Variants in LTF observed in about 807,000 individuals in gnomAD.
The protein encoded by LTF is epididymis luminal protein 110.
Under a neutral mutation model 87.2 loss-of-function variants are expected in LTF, and 91 were observed. That is an observed-to-expected ratio of 1.04 (90% confidence interval 0.88 to 1.24). LTF has a LOEUF of 1.24. Ranked by LOEUF, LTF falls within the 50% of genes most tolerant of loss-of-function variation. The pLI is 0.00. For synonymous variants in LTF, 378 were observed against 356.1 expected, an observed-to-expected ratio of 1.06 and a Z score of -0.69; for missense variants, 901 against 904.3, an observed-to-expected ratio of 1.00 and a Z score of 0.05.
At position 46,436,330 on chromosome 3, in the gene LTF, C is replaced by A; in HGVS notation, c.2099-101G>T. On this transcript the variant is annotated intron_variant, in intron 16 of 16. Coordinates refer to ENST00000231751, the MANE Select transcript of LTF (RefSeq NM_002343.6). Reference sequence around the variant, plus strand: ...AAGAGAATACTAAGAGTTTTCTCTGCCCTTCTCCCATCACTGAGTCAGTGC... The same window carrying A: ...AAGAGAATACTAAGAGTTTTCTCTGACCTTCTCCCATCACTGAGTCAGTGC... 3.8e-6 allele frequency: 4 copies of A among 1,066,166 alleles called. No individual in the cohort carries two copies. In the South Asian group the frequency reaches 5.2e-5, roughly 14 times the overall value. 66.0% of individuals were successfully genotyped at this position (1,066,166 alleles called of 1,614,324 possible).
intron 14 of LTF, among the ~76,000 whole-genome samples, chr3:46,439,816 C>T (rs1702473725): frequency 6.6e-6 from 1 of 152,162 alleles, no homozygotes. Flanking sequence ...GTGGCTCATG[C>T]CTGTAATCCC....
intron 13 of LTF, among the ~76,000 whole-genome samples, chr3:46,442,084 A>C (rs56226331): frequency 6.6e-6 from 1 of 151,854 alleles, no homozygotes; most frequent in African/African-American, 2.4e-5. Flanking sequence ...CAAATAAGAA[A>C]AGACATTTAT....
upstream of LTF, chr3:46,468,378 G>A (rs985936631): frequency 2.2e-6 from 1 of 454,276 alleles, no homozygotes; most frequent in Non-Finnish European, 4.4e-6. Context: ...AGTTTAAGGA[G>A]CACAAAGAAG....
chr3:46,467,610 G>A (rs1191135055), upstream of LTF, among the ~76,000 whole-genome samples: 1 of 151,440 alleles, frequency 6.6e-6, no homozygotes, highest in Non-Finnish European at 1.5e-5. Context: ...CTGGCTTTCT[G>A]GCCAGGAATT....
At chr3:46,476,715 C>A (rs894840797) in intron 1 of LTF, among the ~76,000 whole-genome samples, 3 of 152,162 alleles carry the variant, frequency 2.0e-5, no homozygotes, top group Non-Finnish European at 4.4e-5. Flanking sequence ...CAATCACTAC[C>A]CCAGAGGTGA....
upstream of LTF, chr3:46,468,359 A>T (rs554155726): frequency 2.2e-6 from 1 of 456,376 alleles, no homozygotes. Flanking sequence ...ATGCTGAGAC[A>T]GTAACATGAG....
At chr3:46,444,578 T>C (rs1421104406) in intron 12 of LTF, among the ~76,000 whole-genome samples, 1 of 152,204 alleles carries the variant, frequency 6.6e-6, no homozygotes, top group East Asian at 1.9e-4. Flanking sequence ...GCAGTTTCCC[T>C]ACAGCTCAGA....
intron 15 of LTF, 68 bp from the exon 16 acceptor site, chr3:46,438,197 G>A (rs1340427563): frequency 1.5e-6 from 2 of 1,320,230 alleles, no homozygotes; most frequent in Admixed American, 1.9e-5. Flanking sequence ...GGAGGCAAAG[G>A]GGTATTTCTT....
Position 46,482,718 on chromosome 3 carries a change from GA to G in LTF, c.-320+2267del, listed in dbSNP as rs1559614987. Among the ~76,000 whole-genome samples, 244 of 79,530 alleles carry G rather than the reference GA, an allele frequency of 3.1e-3. 11 individuals are homozygous for G. Among genetic ancestry groups the G allele is most frequent in the Non-Finnish European group, 4.5e-3 (190 of 42,370 alleles). The allele number at this position is 79,530 out of a possible 152,430, so 52.2% of individuals were successfully genotyped here. ...AAGGAAGGAAGGAAAGAAAGAAAGA[GA>G]AAGAAAGGAAGGAAGGAAGGAAGGA... is the stretch of plus-strand genomic sequence containing the variant. On this transcript the variant is annotated intron_variant, in intron 1 of 19. Coordinates refer to the LTF transcript ENST00000443496.
intron 14 of LTF, among the ~76,000 whole-genome samples, chr3:46,440,150 T>C (rs1340060740): frequency 6.6e-6 from 1 of 152,242 alleles, no homozygotes; most frequent in Non-Finnish European, 1.5e-5. Flanking sequence ...ACACTTTGCA[T>C]GGGTGGATTT....
chr3:46,437,310 C>A (rs1163504923), intron 16 of LTF, among the ~76,000 whole-genome samples: 1 of 142,512 alleles, frequency 7.0e-6, no homozygotes, highest in African/African-American at 2.6e-5. Flanking sequence ...TGGTAACTGT[C>A]TAGAATCAGA....
chr3:46,437,103 A>C (rs530805661), intron 16 of LTF, among the ~76,000 whole-genome samples: 1 of 152,346 alleles, frequency 6.6e-6, no homozygotes, highest in Non-Finnish European at 1.5e-5. Flanking sequence ...AGGAATAGGA[A>C]TCTGAATGAT....
intron 2 of LTF, among the ~76,000 whole-genome samples, chr3:46,457,163 C>G (rs1385238637): frequency 6.6e-6 from 1 of 152,208 alleles, no homozygotes; most frequent in Non-Finnish European, 1.5e-5. Flanking sequence ...GGCCATCAAC[C>G]GGTACCAGTC....
At chr3:46,447,265 A>T in intron 10 of LTF, 43 bp downstream of exon 10, 1 of 1,475,794 alleles carries the variant, frequency 6.8e-7, no homozygotes. Flanking sequence ...CCCCACTCCC[A>T]TGACCCAGAG....
chr3:46,436,362 C>T (rs903629789), intron 16 of LTF, 133 bp from the exon 17 acceptor site: 17 of 794,298 alleles, frequency 2.1e-5, no homozygotes, highest in Non-Finnish European at 3.4e-5. Flanking sequence ...GTGCTTGCCA[C>T]ACTCATATTC....
At chr3:46,449,540 G>T (rs1453477555) in intron 8 of LTF, among the ~76,000 whole-genome samples, 1 of 152,166 alleles carries the variant, frequency 6.6e-6, no homozygotes, top group Non-Finnish European at 1.5e-5. Context: ...GGGAAGTGTG[G>T]GTAAATCCAG....
chr3:46,448,316 G>A (rs1481131954), intron 9 of LTF, among the ~76,000 whole-genome samples: 1 of 151,956 alleles, frequency 6.6e-6, no homozygotes, highest in East Asian at 1.9e-4. Context: ...GCAGTGAGAT[G>A]TGGTCGCACC....
In LTF at chr3:46,441,492, T is replaced by C. The variant is rs1235700016; in HGVS notation, c.1656-9A>G. 2.7e-5 allele frequency: 43 copies of C among 1,605,598 alleles called. No individual in the cohort carries two copies. The highest frequency in any genetic ancestry group is 3.7e-5 in the Non-Finnish European group (43 of 1,172,902). Reference sequence around the variant, plus strand: ...CATTCTCAGCCAGGCACCTAAAATGTTCCAGAAAATATACACATAATTACA... The same window carrying C: ...CATTCTCAGCCAGGCACCTAAAATGCTCCAGAAAATATACACATAATTACA... On this transcript the variant is annotated splice_polypyrimidine_tract_variant and intron_variant, in intron 13 of 16. Coordinates refer to ENST00000231751, the MANE Select transcript of LTF (RefSeq NM_002343.6).
Position 46,450,899 on chromosome 3 carries a change from G to A in LTF, c.704-226C>T, listed in dbSNP as rs528000995. Among the ~76,000 whole-genome samples, 351 of 152,264 alleles carry A rather than the reference G, an allele frequency of 2.3e-3. 4 individuals are homozygous for A. Among genetic ancestry groups the A allele is most frequent in the African/African-American group, 8.0e-3 (333 of 41,538 alleles). ...TGTGATCCTCATCCTAAATCACTTA[G>A]GCCACCCTGGGGTTCCCGTGCAGCT... On this transcript the variant is annotated intron_variant, in intron 6 of 16. Transcript: ENST00000231751.
Sources: gnomAD v4.1 joint callset for allele counts (sites outside exome capture counted in the v4.1 genomes callset) on GRCh38, gnomAD v4.1.1 for gene constraint, MANE v1.5 for transcripts, NCBI Gene and HGNC (gene_info 2026-07-23, HGNC 2026-07-21) for gene names.